The following SPTA1 variants were observed in gnomAD, a reference collection of about 807,000 sequenced individuals.
SPTA1 encodes spectrin alpha chain, erythrocytic 1.
SPTA1 carries 177 observed loss-of-function variants against 324.7 expected under a neutral mutation model. The ratio of observed to expected loss-of-function variants is 0.55; its 90% CI spans 0.48 to 0.62. The LOEUF is 0.62. Among genes scored for constraint, SPTA1 ranks in the 20% least tolerant of loss-of-function variants. The pLI, the probability that SPTA1 is intolerant of heterozygous loss-of-function variation, is 0.00. For missense variants in SPTA1, 3,162 were observed against 2,883.6 expected (o/e 1.10, Z -2.21); for synonymous variants, 1,195 against 1,041.3 (o/e 1.15, Z -2.84).
intron 39 of SPTA1, among the ~76,000 whole-genome samples, chr1:158,631,328 G>A (rs1034623121): frequency 6.6e-6 from 1 of 152,064 alleles, no homozygotes; most frequent in Admixed American, 6.6e-5. Flanking sequence ...GGAGTTGGGG[G>A]GCCACTCTAA....
chr1:158,647,734 A>G lies in SPTA1; in HGVS notation c.3715-14T>C, dbSNP rs1343129046. The G allele has an allele frequency of 6.2e-7, 1 of 1,613,710 alleles. No homozygotes were observed. The highest frequency in any genetic ancestry group is 1.1e-5 in the South Asian group (1 of 91,064). ...CAGTATGGTCACCTGGGGAGGTACA[A>G]TAGCTCTGATAATCAGCCTAGAGAC... On this transcript the variant is annotated splice_polypyrimidine_tract_variant and intron_variant, in intron 26 of 51. Coordinates refer to ENST00000643759, the MANE Select transcript of SPTA1 (RefSeq NM_003126.4).
At position 158,676,024 on chromosome 1, in the gene SPTA1, C is replaced by A. The variant is rs140240742; in HGVS notation, c.1112+117G>T. ...ACTTAAATATTTTGTCTCTACTGAG[C>A]AGGCAGGAGAGCTGATTCTCTCGCT... On this transcript the variant is annotated intron_variant, in intron 8 of 51. Transcript: ENST00000643759. 760 of 1,367,466 alleles carry A rather than the reference C, an allele frequency of 5.6e-4. 14 individuals carry two copies. In the East Asian group the frequency reaches 0.018, roughly 32 times the overall value. The allele number at this position is 1,367,466 out of a possible 1,614,324, so 84.7% of individuals were successfully genotyped here.
Position 158,645,205 on chromosome 1 carries a change from G to A in SPTA1, c.4177C>T (p.Gln1393Ter), listed in dbSNP as rs1571436535. The change falls in exon 29 of 52, where the codon CAG becomes TAG. Residue 1393 changes from glutamine to a stop codon, truncating the protein, a stop_gained. Transcript: ENST00000643759. LOFTEE classifies it high-confidence loss of function. The part of the protein sequence containing the change: ...AWEKRKKILD[Q>*]CLELQMFQGN... ...TGCTGTACCTGCAACTCCAGGCACT[G>A]GTCTAGGATCTTCTTGCGTTTTTCC... is the stretch of plus-strand genomic sequence containing the variant. 6.2e-7 allele frequency: 1 copy of A among 1,613,830 alleles called. No homozygotes were observed. The highest frequency in any genetic ancestry group is 8.5e-7 in the Non-Finnish European group (1 of 1,179,806).
chr1:158,615,486 C>T, intron 47 of SPTA1, 83 bp from the exon 48 acceptor site: 1 of 1,387,480 alleles, frequency 7.2e-7, no homozygotes, highest in South Asian at 1.2e-5. Context: ...AGATAACAGG[C>T]TGATTTTATT....
chr1:158,680,466 C>T lies in SPTA1; in HGVS notation c.678+117G>A, dbSNP rs541933419. The stretch of plus-strand genomic sequence containing the variant: ...CAGAATATGTTACTCCAGGAACATG[C>T]CAACCTCTGTTTTCTCACAATGCCC... On this transcript the variant is annotated intron_variant, in intron 5 of 51. Transcript: ENST00000643759. The T allele has an allele frequency of 3.4e-6, 5 of 1,455,268 alleles. No homozygotes were observed. The East Asian group carries it at 1.1e-4, about 33-fold the overall frequency. 90.1% of individuals were successfully genotyped at this position (1,455,268 alleles called of 1,614,324 possible). A position where few individuals can be genotyped will look rare whatever the true frequency, so the allele number is the denominator to read the frequency against.
intron 12 of SPTA1, 80 bp downstream of exon 12, chr1:158,671,263 A>G (rs1375198494): frequency 8.1e-6 from 8 of 988,038 alleles, no homozygotes; most frequent in Admixed American, 1.9e-5. Context: ...TACAGGAGCA[A>G]TGCTGTCTGG....
chr1:158,653,371 C>T lies in SPTA1; in HGVS notation c.3091G>A (p.Val1031Ile), dbSNP rs1191816933. ...AACTCATCGTGGGCCAGTCTTCTGACATAGACAGCTGGGACAATGCCCTGA... is the reference window on the plus strand; with the variant it reads ...AACTCATCGTGGGCCAGTCTTCTGATATAGACAGCTGGGACAATGCCCTGA... ...DHQGIVPAVY[V>I]RRLAHDEFPM... Residue 1031 changes from valine (V) to isoleucine (I), a missense_variant, in exon 22 of 52, where the codon GTC (valine) becomes ATC (isoleucine). By Grantham distance (29) the Val-to-Ile change is conservative. Coordinates refer to ENST00000643759, the MANE Select transcript of SPTA1 (RefSeq NM_003126.4). The T allele has an allele frequency of 1.2e-6, 2 of 1,614,112 alleles. No homozygotes were observed. Among genetic ancestry groups the T allele is most frequent in the Non-Finnish European group, 1.7e-6 (2 of 1,180,018 alleles).
rs374453913 is a variant in SPTA1, at chr1:158,669,509, G to A, written c.1732C>T (p.Leu578=). The A allele has an allele frequency of 6.2e-6, 10 of 1,614,008 alleles. No individual in the cohort carries two copies. Among genetic ancestry groups the A allele is most frequent in the Non-Finnish European group, 7.6e-6 (9 of 1,180,014 alleles). The part of the protein sequence containing the change: ...REKAATRRRL[L]KESLLLQKLY... ...TTTTGCAGAAGCAATGACTCCTTCAGCAATCTACGTCTAGTGGCAGCCTTT... is the reference window on the plus strand; with the variant it reads ...TTTTGCAGAAGCAATGACTCCTTCAACAATCTACGTCTAGTGGCAGCCTTT... Residue 578 remains leucine, a synonymous_variant, in exon 14 of 52, where the codon CTG becomes TTG. Coordinates refer to ENST00000643759, the MANE Select transcript of SPTA1 (RefSeq NM_003126.4).
chr1:158,613,488 A>C (rs537274612), intron 50 of SPTA1, among the ~76,000 whole-genome samples: 1 of 152,202 alleles, frequency 6.6e-6, no homozygotes, highest in Non-Finnish European at 1.5e-5. Flanking sequence ...TAGATTGAAC[A>C]TAAATCATGA....
chr1:158,684,937 AT>A (rs1478644918), intron 2 of SPTA1, among the ~76,000 whole-genome samples, 170 bp downstream of exon 2: 1 of 151,954 alleles, frequency 6.6e-6, no homozygotes, highest in Non-Finnish European at 1.5e-5. Flanking sequence ...GCACTTTTAG[AT>A]TTTCTATTAA....
chr1:158,681,739 G>A, intron 3 of SPTA1, 72 bp from the exon 4 acceptor site: 2 of 1,597,992 alleles, frequency 1.3e-6, no homozygotes, highest in Non-Finnish European at 8.6e-7. Context: ...GACTTGTGCA[G>A]AAAGAGACCT....
chr1:158,686,239 C>T (rs1005953315), intron 1 of SPTA1, among the ~76,000 whole-genome samples: 1 of 152,202 alleles, frequency 6.6e-6, no homozygotes, highest in Non-Finnish European at 1.5e-5. Flanking sequence ...CACGTTGTTA[C>T]TAGGTGTTAT....
At chr1:158,624,683 G>T (rs1299638483) in intron 42 of SPTA1, among the ~76,000 whole-genome samples, 1 of 152,104 alleles carries the variant, frequency 6.6e-6, no homozygotes, top group East Asian at 1.9e-4. Flanking sequence ...GGATTTGAGG[G>T]GCTATAATAA....
In SPTA1 at chr1:158,676,273, G is replaced by T; in HGVS notation, c.980C>A (p.Ala327Glu). The T allele has an allele frequency of 6.2e-7, 1 of 1,613,596 alleles. No individual in the cohort carries two copies. Among genetic ancestry groups the T allele is most frequent in the South Asian group, 1.1e-5 (1 of 91,066 alleles). The change falls in exon 8 of 52, where the codon GCA (alanine) becomes GAA (glutamate). Residue 327 changes from alanine (A) to glutamate (E), a missense_variant. Transcript: ENST00000643759. Reference protein sequence around the residue: ...SDKVKELCAKAEKLTLSHPSD... With the variant: ...SDKVKELCAKEEKLTLSHPSD... The stretch of plus-strand genomic sequence containing the variant: ...AGGATGGGAAAGTGTCAGCTTCTCT[G>T]CTTTAGCACATAACTCCTTCACCTT...
chr1:158,649,961 A>G lies in SPTA1; in HGVS notation c.3478-14T>C. 1 of 1,588,396 alleles carries G rather than the reference A, an allele frequency of 6.3e-7. No homozygotes were observed. The highest frequency in any genetic ancestry group is 8.6e-7 in the Non-Finnish European group (1 of 1,157,950). The stretch of plus-strand genomic sequence containing the variant: ...GGAATTCAATTCCTAAAAGAGGCAA[A>G]AACATCAGACTTGAGACAGAGAACT... On this transcript the variant is annotated splice_polypyrimidine_tract_variant and intron_variant, in intron 24 of 51. Transcript: ENST00000643759.
At chr1:158,656,418 A>C in intron 20 of SPTA1, 146 bp downstream of exon 20, 2 of 746,696 alleles carry the variant, frequency 2.7e-6, no homozygotes, top group South Asian at 2.9e-5. Flanking sequence ...TGGATGCTAC[A>C]GTTCCTGCAT....
chr1:158,667,957 T>C lies in SPTA1; in HGVS notation c.1939A>G (p.Met647Val), dbSNP rs1653728314. 2.5e-6 allele frequency: 4 copies of C among 1,613,846 alleles called. No homozygotes were observed. The South Asian group carries it at 4.4e-5, about 18-fold the overall frequency. ...GAGGCATAGTGACCACCCTCAATCA[T>C]CTCTTGGCCAGTTTTCTGTATGTTT... ...LENIQKTGQE[M>V]IEGGHYASDN... Residue 647 changes from methionine (M) to valine (V), a missense_variant, in exon 15 of 52, where the codon ATG becomes GTG. Transcript: ENST00000643759.
At chr1:158,666,275 A>G in intron 16 of SPTA1, 41 bp downstream of exon 16, 1 of 1,608,504 alleles carries the variant, frequency 6.2e-7, no homozygotes, top group African/African-American at 1.3e-5. Flanking sequence ...CAGAGCATAT[A>G]CACCCATTGC....
intron 34 of SPTA1, 66 bp from the exon 35 acceptor site, chr1:158,639,752 C>A: frequency 1.2e-6 from 2 of 1,611,408 alleles, no homozygotes; most frequent in South Asian, 1.1e-5. Context: ...ATAAGATCAG[C>A]AGCTATGTCC....
Sources: gnomAD v4.1 joint callset for allele counts (sites outside exome capture counted in the v4.1 genomes callset) on GRCh38, gnomAD v4.1.1 for gene constraint, MANE v1.5 for transcripts, NCBI Gene and HGNC (gene_info 2026-07-23, HGNC 2026-07-21) for gene names.